MLLT3: variants seen among roughly 807,000 people sequenced by gnomAD.
MLLT3 encodes the protein MLLT3 super elongation complex subunit.
Under a neutral mutation model 53.2 loss-of-function variants are expected in MLLT3, and 4 were observed. The observed-to-expected ratio is 0.08, with a 90% CI of 0.04 to 0.17. The LOEUF is 0.17. MLLT3 is among the 10% of genes least tolerant of loss of function. The pLI is 1.00. For synonymous variants in MLLT3, 283 were observed against 230.6 expected, an observed-to-expected ratio of 1.23 and a Z score of -2.06; for missense variants, 569 against 684.0, an observed-to-expected ratio of 0.83 and a Z score of 1.87.
intron 2 of MLLT3, among the ~76,000 whole-genome samples, chr9:20,483,753 GC>G (rs1824730808): frequency 7.6e-6 from 1 of 130,768 alleles, no homozygotes; most frequent in South Asian, 2.4e-4. Context: ...TGTCACCCAG[GC>G]TAGAGTGCAG....
At chr9:20,543,657 G>A (rs956217548) in intron 2 of MLLT3, among the ~76,000 whole-genome samples, 1 of 151,594 alleles carries the variant, frequency 6.6e-6, no homozygotes, top group African/African-American at 2.4e-5. Context: ...GAAGAAGAAG[G>A]AAAAGAAGGA....
chr9:20,414,250 A>G lies in MLLT3; in HGVS notation c.596T>C (p.Leu199Ser). 6.2e-7 allele frequency: 1 copy of G among 1,612,986 alleles called. No individual in the cohort carries two copies. The highest frequency in any genetic ancestry group is 2.2e-5 in the East Asian group (1 of 44,824). The change falls in exon 5 of 11, where the codon TTA becomes TCA. Residue 199 changes from leucine to serine, a missense_variant. By Grantham distance (145) the Leu-to-Ser change is moderately radical. Around this residue, in one of 5 missense-constraint regions of MLLT3, gnomAD observed 437 missense variants for 376.5 expected, o/e 1.16. Coordinates refer to ENST00000380338, the MANE Select transcript of MLLT3 (RefSeq NM_004529.4). Reference protein sequence around the residue: ...SSTSFSKPHKLMKEHKEKPSK... With the variant: ...SSTSFSKPHKSMKEHKEKPSK... ...AGGTTTTTCCTTGTGCTCCTTCATT[A>G]ATTTGTGAGGCTTTGAAAAACTGGT...
intron 2 of MLLT3, among the ~76,000 whole-genome samples, chr9:20,613,410 C>G (rs1264529912): frequency 1.3e-5 from 2 of 152,124 alleles, no homozygotes; most frequent in African/African-American, 4.8e-5. Context: ...GAATGGAAGA[C>G]AGACTGAAGG....
intron 2 of MLLT3, among the ~76,000 whole-genome samples, chr9:20,459,711 A>T (rs1030805651): frequency 1.3e-5 from 2 of 152,182 alleles, no homozygotes; most frequent in Admixed American, 1.3e-4. Context: ...ATCGTTGAAT[A>T]TCTTTGGATT....
At chr9:20,585,845 C>T (rs953662098) in intron 2 of MLLT3, among the ~76,000 whole-genome samples, 2 of 152,230 alleles carry the variant, frequency 1.3e-5, no homozygotes, top group Middle Eastern at 6.8e-3. Context: ...TATATTAAGA[C>T]CTTTCTAATA....
At chr9:20,536,774 A>G (rs1263405214) in intron 2 of MLLT3, among the ~76,000 whole-genome samples, 2 of 152,140 alleles carry the variant, frequency 1.3e-5, no homozygotes, top group Non-Finnish European at 2.9e-5. Context: ...CAAAATTACT[A>G]CAAACTACCT....
chr9:20,347,731 G>A (rs1457421418), intron 10 of MLLT3, among the ~76,000 whole-genome samples: 1 of 152,162 alleles, frequency 6.6e-6, no homozygotes, highest in African/African-American at 2.4e-5. Flanking sequence ...AGAGTAAACA[G>A]CTGACAAACT....
intron 5 of MLLT3, among the ~76,000 whole-genome samples, chr9:20,366,941 G>A (rs1360559397): frequency 1.3e-5 from 2 of 152,186 alleles, no homozygotes; most frequent in Non-Finnish European, 2.9e-5. Flanking sequence ...ATGAGGCTAA[G>A]GTCATTAGTT....
At chr9:20,403,424 C>G (rs1448415675) in intron 5 of MLLT3, among the ~76,000 whole-genome samples, 1 of 152,178 alleles carries the variant, frequency 6.6e-6, no homozygotes, top group Non-Finnish European at 1.5e-5. Context: ...GCATATAACA[C>G]ACAACCTCCC....
intron 2 of MLLT3, among the ~76,000 whole-genome samples, chr9:20,478,304 A>G (rs1586980287): frequency 6.6e-6 from 1 of 152,196 alleles, no homozygotes; most frequent in South Asian, 2.1e-4. Context: ...CTTTCACTAA[A>G]GAGCTACAGT....
At chr9:20,410,535 A>C (rs1822702279) in intron 5 of MLLT3, 1 of 152,182 alleles carries the variant, frequency 6.6e-6, no homozygotes, top group African/African-American at 2.4e-5. Flanking sequence ...ACCAGACAGC[A>C]GAATTCTAAT....
At chr9:20,470,589 A>T (rs1372920739) in intron 2 of MLLT3, among the ~76,000 whole-genome samples, 1 of 152,060 alleles carries the variant, frequency 6.6e-6, no homozygotes, top group African/African-American at 2.4e-5. Context: ...AATAAGCTTT[A>T]CCTACCTTAT....
chr9:20,421,554 C>T (rs1002741590), intron 4 of MLLT3, among the ~76,000 whole-genome samples: 1 of 152,140 alleles, frequency 6.6e-6, no homozygotes, highest in Non-Finnish European at 1.5e-5. Context: ...AAACAAGTTT[C>T]ACCAACATCA....
intron 4 of MLLT3, among the ~76,000 whole-genome samples, chr9:20,427,456 C>T (rs928436547): frequency 6.6e-6 from 1 of 151,784 alleles, no homozygotes; most frequent in Non-Finnish European, 1.5e-5. Context: ...AATATAAAAG[C>T]TATTAAGATA....
Position 20,462,525 on chromosome 9 carries a change from C to T in MLLT3, c.194-5739G>A, listed in dbSNP as rs189537953. Among the ~76,000 whole-genome samples, 57 of 152,186 alleles carry T rather than the reference C, an allele frequency of 3.7e-4. 1 individual carries two copies. Among genetic ancestry groups the T allele is most frequent in the South Asian group, 3.5e-3 (17 of 4,822 alleles). On this transcript the variant is annotated intron_variant, in intron 2 of 10. Transcript: ENST00000380338. ...AAAGACACAAACTAGATACAGTTAG[C>T]GGAGAAGATGCAGACCACCTGTCCA... is the stretch of plus-strand genomic sequence containing the variant.
At chr9:20,522,205 G>T (rs1267442832) in intron 2 of MLLT3, among the ~76,000 whole-genome samples, 1 of 150,014 alleles carries the variant, frequency 6.7e-6, no homozygotes, top group African/African-American at 2.4e-5. Context: ...ACAGAAACAA[G>T]TTCCATAGAG....
rs60538299 is a variant in MLLT3, at chr9:20,474,895, G to T, written c.194-18109C>A. On this transcript the variant is annotated intron_variant, in intron 2 of 10. Coordinates refer to ENST00000380338, the MANE Select transcript of MLLT3 (RefSeq NM_004529.4). ...AATAGCTAACAGGTAAAAGGGAGTAGTGTTCTAAATATTGGAGGACTTTAT... is the reference window on the plus strand; with the variant it reads ...AATAGCTAACAGGTAAAAGGGAGTATTGTTCTAAATATTGGAGGACTTTAT... 5.3e-3 allele frequency among the ~76,000 whole-genome samples: 814 copies of T among 152,208 alleles called. 9 individuals carry two copies. The highest frequency in any genetic ancestry group is 0.019 in the African/African-American group (780 of 41,536).
At chr9:20,602,426 G>T (rs962267420) in intron 2 of MLLT3, among the ~76,000 whole-genome samples, 4 of 152,090 alleles carry the variant, frequency 2.6e-5, no homozygotes, top group Non-Finnish European at 4.4e-5. Context: ...TAAAGGAATT[G>T]TATGTATGGG....
At chr9:20,530,162 T>A (rs1179837662) in intron 2 of MLLT3, among the ~76,000 whole-genome samples, 1 of 152,212 alleles carries the variant, frequency 6.6e-6, no homozygotes, top group East Asian at 1.9e-4. Flanking sequence ...TTGATTAGTA[T>A]GATGAATAAC....
Sources: gnomAD v4.1 joint callset for allele counts (sites outside exome capture counted in the v4.1 genomes callset) on GRCh38, gnomAD v4.1.1 for gene constraint, gnomAD v4.1.1 regional missense constraint, MANE v1.5 for transcripts, NCBI Gene and HGNC (gene_info 2026-07-23, HGNC 2026-07-21) for gene names.